Variants in ABCG2 observed in about 807,000 individuals in gnomAD.
The protein encoded by ABCG2 is broad substrate specificity ATP-binding cassette transporter ABCG2.
In ABCG2, 80 loss-of-function variants were observed where a neutral mutation model predicts 73.5. That is an observed-to-expected ratio of 1.09 (90% CI 0.91 to 1.31). The LOEUF is 1.31. Ranked by LOEUF, ABCG2 falls within the 50% of genes most tolerant of loss-of-function variation. The pLI is 0.00. For synonymous variants in ABCG2, 269 were observed against 282.4 expected, an observed-to-expected ratio of 0.95 and a Z score of 0.48; for missense variants, 796 against 786.2, an observed-to-expected ratio of 1.01 and a Z score of -0.15.
chr4:88,131,343 C>A, intron 4 of ABCG2, 130 bp from the exon 5 acceptor site: 1 of 936,142 alleles, frequency 1.1e-6, no homozygotes, highest in Non-Finnish European at 1.6e-6. Flanking sequence ...AATGATGAAC[C>A]TGCAGTTCTG....
intron 10 of ABCG2, among the ~76,000 whole-genome samples, chr4:88,103,012 C>T (rs371099728): frequency 5.9e-5 from 9 of 152,280 alleles, no homozygotes; most frequent in African/African-American, 2.2e-4. Flanking sequence ...CTCCTGGCCT[C>T]AAGCAATCCT....
rs143244479 is a variant in ABCG2 at position 88,111,741 on chromosome 4, G to C, written c.1194+1562C>G. On this transcript the variant is annotated intron_variant, in intron 9 of 15. Transcript: ENST00000237612. Reference sequence around the variant, plus strand: ...AATAACCAGCTAAATTGACTTCTTTGAAGAATGGACCAATGAACTGGGAGT... The same window carrying C: ...AATAACCAGCTAAATTGACTTCTTTCAAGAATGGACCAATGAACTGGGAGT... 1.8e-3 allele frequency among the ~76,000 whole-genome samples: 281 copies of C among 152,206 alleles called. 2 individuals are homozygous for C. Among genetic ancestry groups the C allele is most frequent in the East Asian group, 0.011 (55 of 5,188 alleles).
At chr4:88,094,309 A>C (rs1056830199) in intron 15 of ABCG2, among the ~76,000 whole-genome samples, 1 of 152,206 alleles carries the variant, frequency 6.6e-6, no homozygotes, top group African/African-American at 2.4e-5. Context: ...AAATATCAAA[A>C]GGATCTTTTA....
At chr4:88,132,449 C>T (rs1478053287) in intron 3 of ABCG2, 127 bp downstream of exon 3, 26 of 981,496 alleles carry the variant, frequency 2.6e-5, no homozygotes, top group Non-Finnish European at 2.4e-5. Context: ...ATCCACAGCA[C>T]CTAGAACCAG....
chr4:88,181,850 G>A (rs1362409303), intron 1 of ABCG2, among the ~76,000 whole-genome samples: 1 of 151,668 alleles, frequency 6.6e-6, no homozygotes, highest in Non-Finnish European at 1.5e-5. Flanking sequence ...TTCACTAAAA[G>A]AAAGGAAGGA....
intron 1 of ABCG2, among the ~76,000 whole-genome samples, chr4:88,156,370 CA>C (rs56029010): frequency 0.018 from 1,236 of 69,040 alleles, 9 homozygotes; most frequent in African/African-American, 0.067. Context: ...GACTCCGTCT[CA>C]AAAAAAAAAA....
intron 1 of ABCG2, among the ~76,000 whole-genome samples, chr4:88,222,382 G>A (rs1730043528): frequency 6.6e-6 from 1 of 152,192 alleles, no homozygotes; most frequent in South Asian, 2.1e-4. Flanking sequence ...ATTCCCACAT[G>A]TTGTGGGAGG....
intron 2 of ABCG2, among the ~76,000 whole-genome samples, chr4:88,138,156 A>T (rs1490602332): frequency 1.3e-5 from 2 of 152,256 alleles, no homozygotes; most frequent in African/African-American, 4.8e-5. Context: ...TAAAAAATAA[A>T]TAAATAAATT....
At chr4:88,194,012 T>G (rs1302028909) in intron 1 of ABCG2, among the ~76,000 whole-genome samples, 1 of 152,152 alleles carries the variant, frequency 6.6e-6, no homozygotes, top group South Asian at 2.1e-4. Context: ...CCCAACCTAA[T>G]GGGATTACAG....
chr4:88,136,743 C>CG (rs369693534), intron 2 of ABCG2, among the ~76,000 whole-genome samples: 3 of 151,014 alleles, frequency 2.0e-5, no homozygotes, highest in African/African-American at 7.3e-5. Flanking sequence ...AGGCTGGGCA[C>CG]GGTGGCTTAT....
intron 1 of ABCG2, among the ~76,000 whole-genome samples, chr4:88,182,042 C>T (rs1469528666): frequency 2.0e-5 from 3 of 151,822 alleles, no homozygotes; most frequent in Non-Finnish European, 4.4e-5. Flanking sequence ...AAACACTTCA[C>T]CTATAAAGAC....
intron 5 of ABCG2, among the ~76,000 whole-genome samples, chr4:88,126,319 C>T (rs1041926161): frequency 1.3e-5 from 2 of 152,116 alleles, no homozygotes; most frequent in African/African-American, 4.8e-5. Flanking sequence ...CAGGACCAGA[C>T]AGATTCACAG....
intron 10 of ABCG2, among the ~76,000 whole-genome samples, chr4:88,105,339 C>T (rs962031878): frequency 2.0e-5 from 3 of 152,074 alleles, no homozygotes; most frequent in Non-Finnish European, 4.4e-5. Flanking sequence ...TACCATCTAC[C>T]CCCTCTAAAT....
Position 88,094,653 on chromosome 4 carries a change from GCAAAGCCTATAACA to G in ABCG2, c.1738-8_1743del. The G allele has an allele frequency of 6.2e-7, 1 of 1,613,216 alleles. No homozygotes were observed. Among genetic ancestry groups the G allele is most frequent in the Non-Finnish European group, 8.5e-7 (1 of 1,179,164 alleles). ...TTTTGTCCCAAAAATTCATTATGCT[GCAAAGCCTATAACA>G]CAAGTGGGAGCAGGGCAAGGTAAAC... On this transcript the variant is annotated splice_acceptor_variant and splice_polypyrimidine_tract_variant and coding_sequence_variant and intron_variant, in exon 15 of 16. Coordinates refer to ENST00000237612, the MANE Select transcript of ABCG2 (RefSeq NM_004827.3). LOFTEE classifies it high-confidence loss of function.
Position 88,229,215 on chromosome 4 carries a change from C to T in ABCG2, c.-20+1779G>A, listed in dbSNP as rs536689626. Among the ~76,000 whole-genome samples the T allele has an allele frequency of 4.5e-4, 68 of 152,306 alleles. No individual in the cohort carries two copies. The South Asian group carries it at 7.5e-3, about 17-fold the overall frequency. ...GAAGTCAGCGAGACCAAGAACCCAC[C>T]GGAAAGAACCAACTCTGGACACAGT... On this transcript the variant is annotated intron_variant, in intron 1 of 15. Coordinates refer to the ABCG2 transcript ENST00000515655.
upstream of ABCG2, chr4:88,158,793 TG>T (rs1349314846): frequency 8.7e-6 from 3 of 343,904 alleles, no homozygotes; most frequent in Non-Finnish European, 1.7e-5. Flanking sequence ...GAGGTCACGA[TG>T]GGAGCCGGCG....
At chr4:88,192,106 G>A (rs1321240838) in intron 1 of ABCG2, among the ~76,000 whole-genome samples, 2 of 151,852 alleles carry the variant, frequency 1.3e-5, no homozygotes, top group East Asian at 1.9e-4. Context: ...ACTTGAACTC[G>A]GGAGGTGGAG....
intron 13 of ABCG2, among the ~76,000 whole-genome samples, chr4:88,096,592 A>AT (rs1722000218): frequency 6.6e-6 from 1 of 152,192 alleles, no homozygotes; most frequent in Non-Finnish European, 1.5e-5. Context: ...TGTGCTAATT[A>AT]TTTTTATTTA....
intron 1 of ABCG2, among the ~76,000 whole-genome samples, chr4:88,169,082 G>C (rs1245102802): frequency 1.4e-5 from 2 of 141,892 alleles, no homozygotes; most frequent in Non-Finnish European, 3.0e-5. Context: ...GTCTCACTCT[G>C]TCACGCAGAC....
Sources: allele counts gnomAD v4.1 joint callset (sites outside exome capture counted in the v4.1 genomes callset), GRCh38; gene constraint gnomAD v4.1.1; transcripts MANE v1.5; gene names NCBI Gene and HGNC (gene_info 2026-07-23, HGNC 2026-07-21).